Variants in FAM153A observed in about 807,000 individuals in gnomAD.
FAM153A encodes family with sequence similarity 153 member A.
A neutral mutation model predicts 48.1 loss-of-function variants in FAM153A; 12 were observed. That is an observed-to-expected ratio of 0.25 (90% CI 0.16 to 0.40). FAM153A has a LOEUF of 0.40. FAM153A is among the 10% of genes least tolerant of loss of function. The probability of loss-of-function intolerance (pLI) is 1.00; values close to 1 mark genes in which losing one functional copy is unlikely to be tolerated. For synonymous variants in FAM153A, 36 were observed against 118.2 expected, an observed-to-expected ratio of 0.30 and a Z score of 4.51; for missense variants, 111 against 345.8, an observed-to-expected ratio of 0.32 and a Z score of 5.38.
intron 2 of FAM153A, chr5:177,750,151 T>C (rs1445636092): frequency 1.3e-5 from 2 of 151,686 alleles, no homozygotes; most frequent in African/African-American, 2.4e-5. Flanking sequence ...CGTAGCTACA[T>C]ACTCTATGAT....
the FAM153A span, among the ~76,000 whole-genome samples, chr5:177,702,781 A>T: frequency 6.6e-6 from 1 of 151,954 alleles, no homozygotes; most frequent in African/African-American, 2.4e-5. Context: ...GGTGCAAGCC[A>T]TAAGCCTTGG....
chr5:177,699,049 C>T, the FAM153A span, among the ~76,000 whole-genome samples: 3 of 151,696 alleles, frequency 2.0e-5, no homozygotes, highest in Non-Finnish European at 4.4e-5. Flanking sequence ...AATCCTCCTA[C>T]CTCAGCATCC....
chr5:177,722,068 AACAAT>A (rs1472516989), downstream of FAM153A: 9 of 150,728 alleles, frequency 6.0e-5, no homozygotes, highest in African/African-American at 1.7e-4. Flanking sequence ...GTAAAATGGA[AACAAT>A]ACAAGAACAA....
At chr5:177,735,259 G>A (rs1201791362) in intron 12 of FAM153A, among the ~76,000 whole-genome samples, 1 of 147,514 alleles carries the variant, frequency 6.8e-6, no homozygotes, top group African/African-American at 2.6e-5. Flanking sequence ...ATGTGCTGCT[G>A]ATCTGTTTAT....
chr5:177,708,669 A>G (rs908160479), downstream of FAM153A, among the ~76,000 whole-genome samples: 8 of 152,144 alleles, frequency 5.3e-5, no homozygotes, highest in South Asian at 4.1e-4. Context: ...CATTTTATGT[A>G]TGTTTATCAT....
At chr5:177,753,307 C>G (rs932521090), upstream of FAM153A, 11 of 1,030,486 alleles carry the variant, frequency 1.1e-5, no homozygotes, top group Admixed American at 6.8e-5. Flanking sequence ...CAGATCACCT[C>G]AGCAACAGGT....
the FAM153A span, among the ~76,000 whole-genome samples, chr5:177,695,519 TA>T: frequency 6.6e-6 from 1 of 152,408 alleles, no homozygotes; most frequent in Middle Eastern, 3.4e-3. Flanking sequence ...GCACCGCCCT[TA>T]ATCCATTTAA....
chr5:177,722,119 ATTT>A (rs1226072995), downstream of FAM153A: 1 of 144,790 alleles, frequency 6.9e-6, no homozygotes, highest in Non-Finnish European at 1.5e-5. Context: ...TAAAGTCAGA[ATTT>A]TTTTGTTCTT....
At chr5:177,760,146 T>G (rs1234038463) in intron 1 of FAM153A, among the ~76,000 whole-genome samples, 1 of 149,560 alleles carries the variant, frequency 6.7e-6, no homozygotes, top group African/African-American at 2.5e-5. Flanking sequence ...CATATATATA[T>G]ATACACATAT....
rs1275509505 is a variant in FAM153A, at chr5:177,771,180, A to T, written c.-57+9269T>A. Among the ~76,000 whole-genome samples the T allele has an allele frequency of 2.1e-5, 2 of 97,474 alleles. 1 individual carries two copies. The highest frequency in any genetic ancestry group is 2.1e-4 in the Admixed American group (2 of 9,378). The allele number at this position is 97,474 out of a possible 152,430, so 63.9% of individuals were successfully genotyped here. A position where few individuals can be genotyped will look rare whatever the true frequency, so the allele number is the denominator to read the frequency against. ...GAAAATATTGATAAAATGATTGAAT[A>T]TCTTATTTCATAACTCTAAACAGGG... On this transcript the variant is annotated intron_variant, in intron 1 of 8. Coordinates refer to the FAM153A transcript ENST00000393518.
upstream of FAM153A, among the ~76,000 whole-genome samples, chr5:177,755,239 T>C (rs1230042724): frequency 6.6e-6 from 1 of 151,686 alleles, no homozygotes; most frequent in Admixed American, 6.6e-5. Context: ...GTATCAGTGA[T>C]GGAAAATCAA....
chr5:177,709,665 T>G (rs1365349298), downstream of FAM153A, among the ~76,000 whole-genome samples: 2 of 122,036 alleles, frequency 1.6e-5, no homozygotes, highest in African/African-American at 2.9e-5. Flanking sequence ...CCGGCTGGGT[T>G]TTTTTTTTGT....
chr5:177,697,803 T>G, the FAM153A span, among the ~76,000 whole-genome samples: 1 of 151,738 alleles, frequency 6.6e-6, no homozygotes, highest in African/African-American at 2.4e-5. Flanking sequence ...AGATCAGGGC[T>G]GGACACTTTT....
intron 17 of FAM153A, 79 bp downstream of exon 19, chr5:177,729,406 G>A: frequency 1.4e-6 from 2 of 1,391,120 alleles, no homozygotes; most frequent in Non-Finnish European, 9.8e-7. Context: ...ATGGTGAGGT[G>A]TATACATCTT....
At chr5:177,696,631 A>T in the FAM153A span, among the ~76,000 whole-genome samples, 4 of 149,208 alleles carry the variant, frequency 2.7e-5, no homozygotes, top group Non-Finnish European at 3.0e-5. Flanking sequence ...TGTTTAATTG[A>T]TCTATATGTC....
chr5:177,761,033 G>A (rs1174299364), intron 1 of FAM153A, among the ~76,000 whole-genome samples: 8 of 151,758 alleles, frequency 5.3e-5, no homozygotes, highest in Admixed American at 5.3e-4. Flanking sequence ...CTGCAGAGAA[G>A]TCTTATGAAG....
At chr5:177,754,490 G>T (rs1181830518), upstream of FAM153A, among the ~76,000 whole-genome samples, 2 of 151,840 alleles carry the variant, frequency 1.3e-5, no homozygotes, top group Non-Finnish European at 2.9e-5. Context: ...AGAGAGTAGT[G>T]GTTCTCCCGG....
chr5:177,700,196 A>G, the FAM153A span, among the ~76,000 whole-genome samples: 1 of 151,968 alleles, frequency 6.6e-6, no homozygotes, highest in Non-Finnish European at 1.5e-5. Context: ...AACCTTCCCA[A>G]CCCATGAAAG....
At chr5:177,717,593 A>T (rs148487763), downstream of FAM153A, among the ~76,000 whole-genome samples, 17,915 of 149,644 alleles carry the variant, frequency 0.12, 1,407 homozygotes, top group East Asian at 0.33. Context: ...TCACAAGGAG[A>T]TGTCCAGTTG....
Sources: allele counts gnomAD v4.1 joint callset (sites outside exome capture counted in the v4.1 genomes callset), GRCh38; gene constraint gnomAD v4.1.1; transcripts MANE v1.5; gene names NCBI Gene and HGNC (gene_info 2026-07-23, HGNC 2026-07-21).